RP1: variants seen among roughly 807,000 people sequenced by gnomAD.
RP1 encodes the protein RP1 axonemal microtubule associated, also known as oxygen-regulated protein 1.
RP1 carries 16 observed loss-of-function variants against 14.8 expected under a neutral mutation model. The ratio of observed to expected loss-of-function variants is 1.08; its 90% CI spans 0.73 to 1.65. The LOEUF (loss-of-function observed/expected upper bound fraction) is 1.65, where lower values mean the gene tolerates loss of function less well. RP1 is among the 40% of genes most tolerant of loss of function. The pLI is 0.00. For missense variants in RP1, 2,631 were observed against 2,535.0 expected (o/e 1.04, Z -0.81); for synonymous variants, 876 against 883.6 (o/e 0.99, Z 0.15).
intron 17 of RP1, among the ~76,000 whole-genome samples, chr8:54,730,996 A>G (rs1485478283): frequency 1.3e-5 from 2 of 152,106 alleles, no homozygotes; most frequent in African/African-American, 4.8e-5. Flanking sequence ...GTTGTTTTCA[A>G]TGACATGTTA....
At chr8:54,794,126 T>C (rs116166082) in intron 24 of RP1, among the ~76,000 whole-genome samples, 1 of 151,806 alleles carries the variant, frequency 6.6e-6, no homozygotes, top group Non-Finnish European at 1.5e-5. Context: ...TATTAAAATA[T>C]ACATATTACC....
intron 24 of RP1, among the ~76,000 whole-genome samples, chr8:54,804,456 TTG>T (rs1284869201): frequency 6.6e-6 from 1 of 152,202 alleles, no homozygotes; most frequent in African/African-American, 2.4e-5. Flanking sequence ...CCTGAGACTG[TTG>T]TTTGTGTAAT....
intron 24 of RP1, among the ~76,000 whole-genome samples, chr8:54,800,390 A>G (rs987805418): frequency 2.6e-5 from 4 of 151,516 alleles, no homozygotes; most frequent in Non-Finnish European, 4.4e-5. Flanking sequence ...TAGATCTGTG[A>G]TTTGGTTTCT....
chr8:54,781,688 T>C (rs1810193781), intron 23 of RP1, among the ~76,000 whole-genome samples: 1 of 152,210 alleles, frequency 6.6e-6, no homozygotes, highest in Admixed American at 6.6e-5. Context: ...TAGTGAAACA[T>C]TCTTAGAGAA....
intron 24 of RP1, among the ~76,000 whole-genome samples, chr8:54,800,319 T>TGG (rs750767812): frequency 6.6e-6 from 1 of 151,870 alleles, no homozygotes; most frequent in East Asian, 1.9e-4. Context: ...CTGTGTGTGT[T>TGG]GGGGGGGTGT....
At chr8:54,609,764 C>T (rs1353411550) in intron 1 of RP1, among the ~76,000 whole-genome samples, 1 of 152,126 alleles carries the variant, frequency 6.6e-6, no homozygotes, top group East Asian at 1.9e-4. Flanking sequence ...GCATCACTGC[C>T]TGTCTTTCTG....
At chr8:54,716,526 T>G (rs532851161) in intron 15 of RP1, among the ~76,000 whole-genome samples, 19 of 152,284 alleles carry the variant, frequency 1.2e-4, no homozygotes, top group Admixed American at 5.2e-4. Flanking sequence ...ATACCAATTG[T>G]GTTTAATTTC....
intron 16 of RP1, among the ~76,000 whole-genome samples, chr8:54,720,536 C>G (rs1367331806): frequency 6.6e-6 from 1 of 152,120 alleles, no homozygotes; most frequent in Non-Finnish European, 1.5e-5. Context: ...TTCTTTGTAA[C>G]TTTGAAAGTT....
At chr8:54,811,291 C>T (rs548268443) in intron 24 of RP1, among the ~76,000 whole-genome samples, 1 of 152,278 alleles carries the variant, frequency 6.6e-6, no homozygotes, top group Admixed American at 6.5e-5. Context: ...TTATAGGGCC[C>T]TCCTGCCAGG....
intron 14 of RP1, among the ~76,000 whole-genome samples, chr8:54,706,234 C>T (rs1391760102): frequency 6.6e-6 from 1 of 152,162 alleles, no homozygotes; most frequent in Non-Finnish European, 1.5e-5. Flanking sequence ...GGCCTTTATA[C>T]TGTCAACAAA....
At chr8:54,670,468 C>T (rs1412658904) in intron 7 of RP1, among the ~76,000 whole-genome samples, 3 of 143,094 alleles carry the variant, frequency 2.1e-5, no homozygotes, top group East Asian at 2.0e-4. Flanking sequence ...CGTATACCTA[C>T]ATATATAGGT....
intron 1 of RP1, among the ~76,000 whole-genome samples, chr8:54,605,547 T>C (rs1343420405): frequency 2.6e-5 from 4 of 152,024 alleles, no homozygotes; most frequent in Non-Finnish European, 5.9e-5. Flanking sequence ...TGCAGATGTC[T>C]ATTAGGTCCA....
intron 22 of RP1, chr8:54,759,130 CTGTGTGTGTGTGTG>C (rs3077333): frequency 5.1e-4 from 395 of 768,406 alleles, no homozygotes; most frequent in Middle Eastern, 2.1e-3. Flanking sequence ...GTGGATGATG[CTGTGTGTGTGTGTG>C]TGTGTGTGTG....
intron 19 of RP1, among the ~76,000 whole-genome samples, chr8:54,754,381 T>C (rs903495592): frequency 1.3e-5 from 2 of 152,140 alleles, no homozygotes; most frequent in Non-Finnish European, 2.9e-5. Flanking sequence ...ATTGAGAGCT[T>C]TGAATCTGCT....
upstream of RP1, among the ~76,000 whole-genome samples, chr8:54,612,127 T>C (rs932003982): frequency 6.6e-5 from 10 of 152,180 alleles, no homozygotes; most frequent in African/African-American, 2.4e-4. Flanking sequence ...GGGTAGATGA[T>C]TTAAAAAGAA....
intron 17 of RP1, among the ~76,000 whole-genome samples, chr8:54,732,228 A>G (rs1273087235): frequency 1.3e-5 from 2 of 152,188 alleles, no homozygotes; most frequent in African/African-American, 4.8e-5. Context: ...CCATATTCCT[A>G]CATCCAGCAC....
In RP1 at chr8:54,630,485, ACC is replaced by A. The variant is rs1161762410; in HGVS notation, c.*134_*135del. ...AAAATGAACTTACTCTAGAAAGCTT[ACC>A]CTTGGATAACCAGTTTGACTTTCAT... is the stretch of plus-strand genomic sequence containing the variant. On this transcript the variant is annotated 3_prime_UTR_variant, in exon 4 of 4. Coordinates refer to ENST00000220676, the MANE Select transcript of RP1 (RefSeq NM_006269.2). 7 of 1,484,272 alleles carry A rather than the reference ACC, an allele frequency of 4.7e-6. No homozygotes were observed. In the African/African-American group the frequency reaches 9.9e-5, roughly 21 times the overall value. The allele number at this position is 1,484,272 out of a possible 1,614,324, so 91.9% of individuals were successfully genotyped here. A position where few individuals can be genotyped will look rare whatever the true frequency, so the allele number is the denominator to read the frequency against.
At chr8:54,605,745 T>A (rs1805421961) in intron 1 of RP1, among the ~76,000 whole-genome samples, 1 of 152,228 alleles carries the variant, frequency 6.6e-6, no homozygotes, top group Non-Finnish European at 1.5e-5. Context: ...CTTATATATT[T>A]AGGATAGTTG....
At chr8:54,821,612 G>T (rs1811257843) in intron 24 of RP1, among the ~76,000 whole-genome samples, 1 of 152,126 alleles carries the variant, frequency 6.6e-6, no homozygotes, top group African/African-American at 2.4e-5. Context: ...CTACCAGTTA[G>T]TCATCCTCAG....
Sources: gnomAD v4.1 joint callset for allele counts (sites outside exome capture counted in the v4.1 genomes callset) on GRCh38, gnomAD v4.1.1 for gene constraint, MANE v1.5 for transcripts, NCBI Gene and HGNC (gene_info 2026-07-23, HGNC 2026-07-21) for gene names.